Variants in LRMDA observed in about 807,000 individuals in gnomAD.
LRMDA encodes leucine-rich melanocyte differentiation-associated protein.
Under a neutral mutation model 29.8 loss-of-function variants are expected in LRMDA, and 18 were observed. That is an observed-to-expected ratio of 0.60 (90% CI 0.42 to 0.90). The LOEUF (loss-of-function observed/expected upper bound fraction) is 0.90, where lower values mean the gene tolerates loss of function less well. Among genes scored for constraint, LRMDA ranks in the 40% least tolerant of loss-of-function variants. LRMDA has a pLI of 0.00. For synonymous variants in LRMDA, 125 were observed against 109.4 expected, an observed-to-expected ratio of 1.14 and a Z score of -0.89; for missense variants, 273 against 273.9, an observed-to-expected ratio of 1.00 and a Z score of 0.02.
intron 2 of LRMDA, among the ~76,000 whole-genome samples, chr10:75,925,894 G>A (rs1055335011): frequency 2.0e-5 from 3 of 151,964 alleles, no homozygotes; most frequent in Admixed American, 6.6e-5. Context: ...TACTGACCTC[G>A]TATAATCTGG....
At chr10:76,075,325 CAG>C (rs1346430117) in intron 5 of LRMDA, among the ~76,000 whole-genome samples, 2 of 152,196 alleles carry the variant, frequency 1.3e-5, no homozygotes, top group African/African-American at 2.4e-5. Context: ...AAAGAGGCAT[CAG>C]GGGTGCCCAT....
intron 2 of LRMDA, among the ~76,000 whole-genome samples, chr10:75,561,144 G>A (rs1294068103): frequency 6.6e-6 from 1 of 151,538 alleles, no homozygotes; most frequent in Non-Finnish European, 1.5e-5. Context: ...GTAGAATTTG[G>A]CTGTGAATCC....
chr10:76,301,426 G>A (rs538875460), intron 5 of LRMDA, among the ~76,000 whole-genome samples: 2 of 152,318 alleles, frequency 1.3e-5, no homozygotes, highest in Admixed American at 6.5e-5. Flanking sequence ...CCCACAGGAC[G>A]AAGAAGCGCA....
intron 6 of LRMDA, among the ~76,000 whole-genome samples, chr10:76,360,351 C>T (rs1305055307): frequency 6.6e-6 from 1 of 152,040 alleles, no homozygotes; most frequent in East Asian, 1.9e-4. Context: ...TGAATGGGTA[C>T]CTGAGGAGCT....
chr10:75,663,244 G>C (rs774431072), intron 2 of LRMDA, among the ~76,000 whole-genome samples: 1 of 152,100 alleles, frequency 6.6e-6, no homozygotes, highest in East Asian at 1.9e-4. Context: ...CCTCCTCCCC[G>C]CCCTTAATGG....
At chr10:76,032,935 C>T (rs1308848421) in intron 2 of LRMDA, among the ~76,000 whole-genome samples, 1 of 152,006 alleles carries the variant, frequency 6.6e-6, no homozygotes, top group African/African-American at 2.4e-5. Context: ...AAGGTGATAG[C>T]AGACAAATTG....
chr10:75,961,809 T>G (rs1846771887), intron 2 of LRMDA, among the ~76,000 whole-genome samples: 1 of 152,194 alleles, frequency 6.6e-6, no homozygotes, highest in African/African-American at 2.4e-5. Context: ...ATTTACTATC[T>G]TACAGTTCAG....
At chr10:76,354,694 A>G (rs1422710367) in intron 6 of LRMDA, among the ~76,000 whole-genome samples, 1 of 152,212 alleles carries the variant, frequency 6.6e-6, no homozygotes. Flanking sequence ...AAAAATTGAT[A>G]TATAATCATT....
intron 6 of LRMDA, among the ~76,000 whole-genome samples, chr10:76,503,259 C>G (rs1842929042): frequency 6.6e-6 from 1 of 151,714 alleles, no homozygotes; most frequent in Admixed American, 6.6e-5. Flanking sequence ...TTGATCTTGG[C>G]AAATTAACTT....
At chr10:75,590,096 T>G (rs1207600931) in intron 2 of LRMDA, among the ~76,000 whole-genome samples, 2 of 151,856 alleles carry the variant, frequency 1.3e-5, no homozygotes, top group Non-Finnish European at 2.9e-5. Context: ...CAGGGCTCAC[T>G]GCAGCCTTGA....
intron 6 of LRMDA, among the ~76,000 whole-genome samples, chr10:76,382,821 A>G (rs1695491841): frequency 6.6e-6 from 1 of 152,170 alleles, no homozygotes; most frequent in South Asian, 2.1e-4. Context: ...CCCCAAGCCA[A>G]GGCAGGGCCT....
chr10:76,087,487 A>G (rs1849156245), intron 5 of LRMDA, among the ~76,000 whole-genome samples: 1 of 152,200 alleles, frequency 6.6e-6, no homozygotes, highest in Non-Finnish European at 1.5e-5. Flanking sequence ...AAGAGAGACA[A>G]AAATTTCCAT....
At chr10:76,263,358 T>C (rs1839967012) in intron 5 of LRMDA, among the ~76,000 whole-genome samples, 1 of 152,192 alleles carries the variant, frequency 6.6e-6, no homozygotes, top group African/African-American at 2.4e-5. Flanking sequence ...TTTACAGCAA[T>C]ATGAAATTCA....
At chr10:75,796,621 G>A (rs1281005253) in intron 2 of LRMDA, among the ~76,000 whole-genome samples, 1 of 152,166 alleles carries the variant, frequency 6.6e-6, no homozygotes, top group Non-Finnish European at 1.5e-5. Flanking sequence ...CTCCCAGGCT[G>A]GAGTGCAGTG....
intron 2 of LRMDA, among the ~76,000 whole-genome samples, chr10:75,553,666 C>T (rs1282671441): frequency 6.6e-6 from 1 of 152,128 alleles, no homozygotes; most frequent in Non-Finnish European, 1.5e-5. Flanking sequence ...ACCCCTTCAC[C>T]CAGAGGCAGA....
chr10:75,838,385 C>T lies in LRMDA; in HGVS notation c.132-197623C>T, dbSNP rs374659822. Among the ~76,000 whole-genome samples, 14 of 151,934 alleles carry T rather than the reference C, an allele frequency of 9.2e-5. No homozygotes were observed. In the East Asian group the frequency reaches 1.9e-3, roughly 21 times the overall value. On this transcript the variant is annotated intron_variant, in intron 2 of 6. Coordinates refer to ENST00000611255, the MANE Select transcript of LRMDA (RefSeq NM_001305581.2). Reference sequence around the variant, plus strand: ...AGTTTATATAGGGAACATTTTTTTTCTTGCTTTTCATGCTTCTAATTAAAT... The same window carrying T: ...AGTTTATATAGGGAACATTTTTTTTTTTGCTTTTCATGCTTCTAATTAAAT...
At chr10:76,021,617 C>T (rs1564632183) in intron 2 of LRMDA, among the ~76,000 whole-genome samples, 1 of 152,132 alleles carries the variant, frequency 6.6e-6, no homozygotes, top group Non-Finnish European at 1.5e-5. Context: ...GCCAGCAGAC[C>T]TAATGACATG....
intron 5 of LRMDA, among the ~76,000 whole-genome samples, chr10:76,079,240 A>AT (rs1849012274): frequency 6.6e-6 from 1 of 152,108 alleles, no homozygotes; most frequent in South Asian, 2.1e-4. Flanking sequence ...TTCCCTTTTT[A>AT]TTGTCACATT....
chr10:75,540,024 G>A (rs1839997869), intron 2 of LRMDA, among the ~76,000 whole-genome samples: 1 of 152,156 alleles, frequency 6.6e-6, no homozygotes, highest in South Asian at 2.1e-4. Flanking sequence ...GGATCTGGGG[G>A]TATAGGCCTG....
Sources: allele counts gnomAD v4.1 joint callset (sites outside exome capture counted in the v4.1 genomes callset), GRCh38; gene constraint gnomAD v4.1.1; transcripts MANE v1.5; gene names NCBI Gene and HGNC (gene_info 2026-07-23, HGNC 2026-07-21).